Variants in ELMOD1 observed in about 807,000 individuals in gnomAD.
ELMOD1 encodes ELMO domain-containing protein 1.
In ELMOD1, 21 loss-of-function variants were observed where a neutral mutation model predicts 46.7. That is an observed-to-expected ratio of 0.45 (90% CI 0.32 to 0.65). ELMOD1 has a LOEUF of 0.65. Among genes scored for constraint, ELMOD1 ranks in the 30% least tolerant of loss-of-function variants. ELMOD1 has a pLI of 0.04. For missense variants in ELMOD1, 348 were observed against 407.8 expected, an observed-to-expected ratio of 0.85 and a Z score of 1.26; for synonymous variants, 122 against 138.2, an observed-to-expected ratio of 0.88 and a Z score of 0.82.
intron 6 of ELMOD1, among the ~76,000 whole-genome samples, chr11:107,641,166 C>T (rs905540534): frequency 6.6e-6 from 1 of 152,066 alleles, no homozygotes; most frequent in South Asian, 2.1e-4. Context: ...GTGGTGCACA[C>T]CTGTAGTCCC....
chr11:107,627,671 T>C (rs1327192073), intron 2 of ELMOD1, among the ~76,000 whole-genome samples: 2 of 152,172 alleles, frequency 1.3e-5, no homozygotes, highest in African/African-American at 4.8e-5. Context: ...AAGCCTCCTC[T>C]TTGTGTAGAC....
At chr11:107,612,418 C>G (rs563266144) in intron 1 of ELMOD1, among the ~76,000 whole-genome samples, 1 of 152,176 alleles carries the variant, frequency 6.6e-6, no homozygotes, top group Non-Finnish European at 1.5e-5. Context: ...TGCTCACTAC[C>G]TGGGTGACAG....
At chr11:107,654,033 T>TG in intron 9 of ELMOD1, 139 bp from the exon 10 acceptor site, 1 of 708,454 alleles carries the variant, frequency 1.4e-6, no homozygotes, top group Non-Finnish European at 2.4e-6. Flanking sequence ...TAAATTGTAC[T>TG]GTGGCTTAAC....
Position 107,631,591 on chromosome 11 carries a change from T to C in ELMOD1, c.204T>C (p.Thr68=). ...LRDSKSKLLQ[T]SVSVHPDAIE... ...AACATGTTTTCCAGCTGTTGCAGAC[T>C]TCTGTGAGTGTTCACCCCGACGCTA... Residue 68 remains threonine (T), a synonymous_variant, in exon 5 of 12, where the codon ACT becomes ACC. Coordinates refer to ENST00000265840, the MANE Select transcript of ELMOD1 (RefSeq NM_018712.4). The C allele has an allele frequency of 6.4e-7, 1 of 1,559,296 alleles. No individual in the cohort carries two copies. The highest frequency in any genetic ancestry group is 1.4e-5 in the African/African-American group (1 of 73,372).
chr11:107,614,043 A>G (rs979792938), intron 1 of ELMOD1, among the ~76,000 whole-genome samples: 30 of 152,336 alleles, frequency 2.0e-4, no homozygotes, highest in African/African-American at 7.2e-4. Context: ...TCATATCTTA[A>G]TGAATAATTC....
intron 1 of ELMOD1, among the ~76,000 whole-genome samples, chr11:107,596,744 G>A (rs1186028000): frequency 6.6e-6 from 1 of 152,096 alleles, no homozygotes; most frequent in Admixed American, 6.5e-5. Context: ...TAATGTATAT[G>A]TAGCCCAATA....
chr11:107,665,040 AATTTCATAAGTTTTGGATCGAAG>A lies in ELMOD1; in HGVS notation c.850_872del (p.Phe284GlyfsTer9). The A allele has an allele frequency of 6.2e-7, 1 of 1,613,240 alleles. No homozygotes were observed. The highest frequency in any genetic ancestry group is 8.5e-7 in the Non-Finnish European group (1 of 1,179,544). On this transcript the variant is annotated frameshift_variant, in exon 12 of 12. Transcript: ENST00000265840. LOFTEE classifies it high-confidence loss of function. ...TCTCCAACAGGCTATTTGATGCATG[AATTTCATAAGTTTTGGATCGAAG>A]AGGACCCCATGGACATAATGGAATT...
intron 1 of ELMOD1, among the ~76,000 whole-genome samples, chr11:107,601,538 C>A (rs1288041828): frequency 2.0e-5 from 3 of 150,832 alleles, no homozygotes; most frequent in Non-Finnish European, 2.9e-5. Context: ...GCCTCAGCCT[C>A]CCGAGTAGCT....
intron 9 of ELMOD1, among the ~76,000 whole-genome samples, chr11:107,652,400 T>C (rs1866540623): frequency 6.6e-6 from 1 of 151,982 alleles, no homozygotes; most frequent in African/African-American, 2.4e-5. Flanking sequence ...ATTTTGACTA[T>C]TAGTTTGTGT....
At chr11:107,622,191 T>A (rs1865962493) in intron 2 of ELMOD1, among the ~76,000 whole-genome samples, 1 of 152,130 alleles carries the variant, frequency 6.6e-6, no homozygotes. Flanking sequence ...TGAGACAATG[T>A]TGAGAGAAAG....
At position 107,601,369 on chromosome 11, in the gene ELMOD1, G is replaced by A. The variant is rs189420297; in HGVS notation, c.-86+9960G>A. 5.9e-3 allele frequency among the ~76,000 whole-genome samples: 858 copies of A among 145,240 alleles called. 7 individuals are homozygous for A. The highest frequency in any genetic ancestry group is 0.02 in the African/African-American group (791 of 39,748). ...CAACTTTTTGTTTTCTCAAGAATTAGTAATTCTAATTTTTTCTTATTTTCT... is the reference window on the plus strand; with the variant it reads ...CAACTTTTTGTTTTCTCAAGAATTAATAATTCTAATTTTTTCTTATTTTCT... On this transcript the variant is annotated intron_variant, in intron 1 of 11. Transcript: ENST00000265840.
chr11:107,654,881 A>T (rs564918564), intron 10 of ELMOD1, among the ~76,000 whole-genome samples: 1 of 151,946 alleles, frequency 6.6e-6, no homozygotes, highest in East Asian at 1.9e-4. Context: ...GCCCCATATT[A>T]TCCAAAAATA....
At chr11:107,626,602 CTTCTTTCCTTCTTTCT>C (rs1405502990) in intron 2 of ELMOD1, among the ~76,000 whole-genome samples, 1 of 58,776 alleles carries the variant, frequency 1.7e-5, no homozygotes, top group Non-Finnish European at 4.4e-5. Flanking sequence ...TCCTTCTTAT[CTTCTTTCCTTCTTTCT>C]TTCTTTCCTT....
At chr11:107,634,847 T>A (rs2135693112) in intron 5 of ELMOD1, among the ~76,000 whole-genome samples, 1 of 152,334 alleles carries the variant, frequency 6.6e-6, no homozygotes, top group African/African-American at 2.4e-5. Flanking sequence ...GAAGACTCGC[T>A]ATCTTAAATA....
chr11:107,611,449 C>T (rs1865778254), intron 1 of ELMOD1, among the ~76,000 whole-genome samples: 1 of 152,056 alleles, frequency 6.6e-6, no homozygotes, highest in Admixed American at 6.5e-5. Flanking sequence ...GTCTGGATTC[C>T]CAGCACTTTG....
chr11:107,591,815 G>A (rs1377293333), intron 1 of ELMOD1: 1 of 470,986 alleles, frequency 2.1e-6, no homozygotes, highest in Non-Finnish European at 4.4e-6. Context: ...GGGTCCCTGG[G>A]AACCCCTTGC....
intron 6 of ELMOD1, among the ~76,000 whole-genome samples, chr11:107,646,832 C>T: frequency 6.6e-6 from 1 of 151,816 alleles, no homozygotes. Context: ...AGCATTTTCC[C>T]AGAATCTGAA....
At chr11:107,632,862 T>C (rs1181615097) in intron 5 of ELMOD1, among the ~76,000 whole-genome samples, 2 of 152,196 alleles carry the variant, frequency 1.3e-5, no homozygotes, top group Non-Finnish European at 2.9e-5. Flanking sequence ...CCATCCATTC[T>C]CTTGTTCTCA....
At position 107,665,226 on chromosome 11, in the gene ELMOD1, T is replaced by C; in HGVS notation, c.*29T>C. ...CCCACGCCGGTTTTAATGGATACCC[T>C]GGAACACTGCCTCATTGTCTTGTTA... On this transcript the variant is annotated 3_prime_UTR_variant, in exon 12 of 12. Transcript: ENST00000265840. 6.2e-7 allele frequency: 1 copy of C among 1,606,286 alleles called. No individual in the cohort carries two copies. The highest frequency in any genetic ancestry group is 8.5e-7 in the Non-Finnish European group (1 of 1,174,986).
Sources: gnomAD v4.1 joint callset for allele counts (sites outside exome capture counted in the v4.1 genomes callset) on GRCh38, gnomAD v4.1.1 for gene constraint, MANE v1.5 for transcripts, NCBI Gene and HGNC (gene_info 2026-07-23, HGNC 2026-07-21) for gene names.